CLIP4: variants seen among roughly 807,000 people sequenced by gnomAD.
CLIP4 encodes the protein CAP-Gly domain containing linker protein family member 4.
A neutral mutation model predicts 73.1 loss-of-function variants in CLIP4; 47 were observed. That is an observed-to-expected ratio of 0.64 (90% confidence interval 0.51 to 0.82). The LOEUF (loss-of-function observed/expected upper bound fraction) is 0.82. Ranked by LOEUF, CLIP4 falls within the 40% of genes least tolerant of loss-of-function variation. The pLI is 0.00. For synonymous variants in CLIP4, 306 were observed against 295.4 expected, an observed-to-expected ratio of 1.04 and a Z score of -0.37; for missense variants, 874 against 852.9, an observed-to-expected ratio of 1.02 and a Z score of -0.31.
At chr2:29,179,370 C>G (rs1668523903) in intron 15 of CLIP4, among the ~76,000 whole-genome samples, 1 of 152,170 alleles carries the variant, frequency 6.6e-6, no homozygotes, top group Non-Finnish European at 1.5e-5. Context: ...TATAATTTAA[C>G]CTAATGGCGG....
rs745510375 is a variant in CLIP4, at chr2:29,163,774, G to A, written c.1535-57G>A. On this transcript the variant is annotated intron_variant, in intron 12 of 15. Transcript: ENST00000320081. ...ACCTCGACTTTGGTTTTGTATAGTA[G>A]CATAAGAGTTTTGGATAAAGTACAG... 1,264 of 1,542,098 alleles carry A rather than the reference G, an allele frequency of 8.2e-4. 2 individuals are homozygous for A. The highest frequency in any genetic ancestry group is 1.0e-3 in the Non-Finnish European group (1,154 of 1,144,174).
chr2:29,100,245 A>G (rs1262563466), intron 1 of CLIP4, among the ~76,000 whole-genome samples: 1 of 152,088 alleles, frequency 6.6e-6, no homozygotes, highest in African/African-American at 2.4e-5. Context: ...TGACTTTGGT[A>G]TATCAGTCTA....
chr2:29,178,018 GTTTC>G, intron 15 of CLIP4, among the ~76,000 whole-genome samples: 1 of 152,114 alleles, frequency 6.6e-6, no homozygotes, highest in Middle Eastern at 3.4e-3. Flanking sequence ...TTATTTACTT[GTTTC>G]TTTAAAAGCT....
intron 2 of CLIP4, 120 bp downstream of exon 2, chr2:29,121,641 G>T: frequency 8.4e-7 from 1 of 1,191,546 alleles, no homozygotes. Context: ...AATTGCTAAA[G>T]TTTTCCTTTT....
At chr2:29,142,259 C>G (rs3100225) in intron 6 of CLIP4, among the ~76,000 whole-genome samples, 66,027 of 151,332 alleles carry the variant, frequency 0.44, 15,388 homozygotes, top group African/African-American at 0.61. Context: ...GCCTTCTTGT[C>G]TTAGGAAGAT....
intron 1 of CLIP4, among the ~76,000 whole-genome samples, chr2:29,108,856 A>C (rs1198958907): frequency 6.6e-6 from 1 of 152,092 alleles, no homozygotes; most frequent in Non-Finnish European, 1.5e-5. Flanking sequence ...AATTTCCCCC[A>C]TTTGTCTAAG....
Position 29,131,402 on chromosome 2 carries a change from G to T in CLIP4, c.273+5G>T. 1 of 1,585,972 alleles carries T rather than the reference G, an allele frequency of 6.3e-7. No homozygotes were observed. Among genetic ancestry groups the T allele is most frequent in the South Asian group, 1.2e-5 (1 of 84,330 alleles). ...ATTGACATTATTGGAAATGAGGTAA[G>T]GAATTCTTACATTTTAAGTTTTGCA... On this transcript the variant is annotated splice_donor_5th_base_variant and intron_variant, in intron 3 of 15. Transcript: ENST00000320081.
intron 8 of CLIP4, among the ~76,000 whole-genome samples, chr2:29,151,816 G>C (rs1429679640): frequency 2.0e-5 from 3 of 151,922 alleles, no homozygotes; most frequent in African/African-American, 7.3e-5. Context: ...AGATTATTTC[G>C]GTATTTATAG....
intron 14 of CLIP4, among the ~76,000 whole-genome samples, chr2:29,173,537 G>A (rs984597396): frequency 6.6e-6 from 1 of 152,216 alleles, no homozygotes; most frequent in African/African-American, 2.4e-5. Context: ...GCTGGTATAA[G>A]ATGGTCAATT....
intron 6 of CLIP4, among the ~76,000 whole-genome samples, chr2:29,138,094 G>T (rs1665499598): frequency 6.6e-6 from 1 of 152,162 alleles, no homozygotes; most frequent in South Asian, 2.1e-4. Context: ...CCAATGCCTA[G>T]AAGAGTATTT....
intron 7 of CLIP4, among the ~76,000 whole-genome samples, chr2:29,144,962 A>G (rs887029090): frequency 6.6e-6 from 1 of 151,254 alleles, no homozygotes; most frequent in African/African-American, 2.4e-5. Flanking sequence ...GCTACTATCC[A>G]GCTAATTAGG....
At chr2:29,151,396 T>C (rs1666554604) in intron 8 of CLIP4, among the ~76,000 whole-genome samples, 1 of 152,128 alleles carries the variant, frequency 6.6e-6, no homozygotes. Context: ...ATCATCGTCG[T>C]CATTATCACC....
At chr2:29,124,425 T>G (rs188613990) in intron 2 of CLIP4, among the ~76,000 whole-genome samples, 15 of 152,278 alleles carry the variant, frequency 9.9e-5, no homozygotes, top group African/African-American at 3.4e-4. Context: ...TTTACTATTA[T>G]GTGCTTAGGT....
rs1394011165 is a variant in CLIP4 at position 29,145,345 on chromosome 2, C to G, written c.999C>G (p.Tyr333Ter). 9.3e-6 allele frequency: 15 copies of G among 1,611,292 alleles called. No individual in the cohort carries two copies. Among genetic ancestry groups the G allele is most frequent in the Non-Finnish European group, 1.3e-5 (15 of 1,177,916 alleles). Residue 333 changes from tyrosine (Y) to a stop codon, truncating the protein, a stop_gained, in exon 8 of 16, where the codon TAC (tyrosine) becomes TAG (stop). Coordinates refer to ENST00000320081, the MANE Select transcript of CLIP4 (RefSeq NM_024692.6). LOFTEE classifies it high-confidence loss of function. ...ATGGAAGTGTTGGAAAAGTCCAGTA[C>G]TTTAAATGTGCCCCCAAGTATGGTA... ...KNNGSVGKVQYFKCAPKYGIF... is the reference protein window; with the variant it reads ...KNNGSVGKVQ
intron 5 of CLIP4, among the ~76,000 whole-genome samples, chr2:29,134,925 A>G (rs899220208): frequency 6.6e-6 from 1 of 152,156 alleles, no homozygotes; most frequent in Non-Finnish European, 1.5e-5. Flanking sequence ...GACTTTAACT[A>G]CTTTGAAAAT....
intron 15 of CLIP4, 58 bp from the exon 16 acceptor site, chr2:29,181,514 C>G: frequency 7.7e-7 from 1 of 1,295,526 alleles, no homozygotes; most frequent in Non-Finnish European, 1.1e-6. Flanking sequence ...GAATATGATG[C>G]ATTGCATTAC....
At chr2:29,106,622 G>T (rs1304070248) in intron 1 of CLIP4, among the ~76,000 whole-genome samples, 1 of 152,116 alleles carries the variant, frequency 6.6e-6, no homozygotes, top group Non-Finnish European at 1.5e-5. Context: ...TCCAATTCAG[G>T]TTCCCCACAC....
chr2:29,153,940 T>G (rs1280313122), intron 9 of CLIP4, among the ~76,000 whole-genome samples: 1 of 152,228 alleles, frequency 6.6e-6, no homozygotes, highest in Non-Finnish European at 1.5e-5. Context: ...AATAAACTGT[T>G]AAGTTTCCTT....
rs774920156 is a variant in CLIP4, at chr2:29,174,450, G to C, written c.1796+5G>C. 4 of 1,606,670 alleles carry C rather than the reference G, an allele frequency of 2.5e-6. No individual in the cohort carries two copies. The highest frequency in any genetic ancestry group is 3.4e-5 in the Admixed American group (2 of 58,652). ...CAGAAGAAATGCTTTTTCCAAGTGA[G>C]TATTAAGAAGATTTAGAAAAACACC... is the stretch of plus-strand genomic sequence containing the variant. On this transcript the variant is annotated splice_donor_5th_base_variant and intron_variant, in intron 15 of 15. Coordinates refer to ENST00000320081, the MANE Select transcript of CLIP4 (RefSeq NM_024692.6).
Sources: gnomAD v4.1 joint callset for allele counts (sites outside exome capture counted in the v4.1 genomes callset) on GRCh38, gnomAD v4.1.1 for gene constraint, MANE v1.5 for transcripts, NCBI Gene and HGNC (gene_info 2026-07-23, HGNC 2026-07-21) for gene names.